The following CLEC12B variants were observed in gnomAD, a reference collection of about 807,000 sequenced individuals.
CLEC12B encodes the protein macrophage antigen h.
In CLEC12B, 25 loss-of-function variants were observed where a neutral mutation model predicts 36.1. The observed-to-expected ratio is 0.69, with a 90% CI of 0.50 to 0.97. CLEC12B has a LOEUF of 0.97. CLEC12B is among the 50% of genes least tolerant of loss of function. The pLI, the probability that CLEC12B is intolerant of heterozygous loss-of-function variation, is 0.00. For missense variants in CLEC12B, 325 were observed against 318.4 expected (o/e 1.02, Z -0.16); for synonymous variants, 110 against 108.5 (o/e 1.01, Z -0.09).
chr12:10,012,735 A>G (rs1865359983), intron 1 of CLEC12B, 50 bp from the exon 2 acceptor site: 1 of 1,437,908 alleles, frequency 7.0e-7, no homozygotes, highest in Admixed American at 1.8e-5. Context: ...CCAAAGTGAA[A>G]CAAGCACAAA....
At chr12:10,006,862 T>C (rs554515979), upstream of CLEC12B, among the ~76,000 whole-genome samples, 4 of 152,184 alleles carry the variant, frequency 2.6e-5, no homozygotes, top group South Asian at 8.3e-4. Flanking sequence ...GAGACCATCC[T>C]GGCTAACACG....
At chr12:10,012,618 G>A (rs928752638) in intron 1 of CLEC12B, among the ~76,000 whole-genome samples, 167 bp from the exon 2 acceptor site, 4 of 152,136 alleles carry the variant, frequency 2.6e-5, no homozygotes, top group African/African-American at 9.7e-5. Flanking sequence ...AACAAGGATG[G>A]CACCCTCATT....
At chr12:10,012,752 C>G (rs1232244964) in intron 1 of CLEC12B, 33 bp from the exon 2 acceptor site, 2 of 1,538,256 alleles carry the variant, frequency 1.3e-6, no homozygotes, top group Non-Finnish European at 1.8e-6. Context: ...CAAAGCAGTT[C>G]TGTGTGCTGA....
chr12:10,008,795 A>T (rs183462190), upstream of CLEC12B, among the ~76,000 whole-genome samples: 244 of 152,332 alleles, frequency 1.6e-3, no homozygotes, highest in African/African-American at 5.6e-3. Flanking sequence ...TTTCATGGAT[A>T]GTGAGAAGTT....
chr12:10,014,627 T>TC lies in CLEC12B; in HGVS notation c.297dup (p.Asn100GlnfsTer42). 2 of 1,613,712 alleles carry TC rather than the reference T, an allele frequency of 1.2e-6. No homozygotes were observed. The highest frequency in any genetic ancestry group is 8.5e-7 in the Non-Finnish European group (1 of 1,179,706). On this transcript the variant is annotated frameshift_variant, in exon 3 of 6. Coordinates refer to ENST00000338896, the MANE Select transcript of CLEC12B (RefSeq NM_001129998.3). LOFTEE classifies it high-confidence loss of function. ...TAACTTATCCCAGCAACTGGGCAAC[T>TC]CCAACAACTTGTCCATGGAGGAGGA...
At chr12:10,015,965 A>C (rs1376051214) in intron 5 of CLEC12B, 11 of 1,250,978 alleles carry the variant, frequency 8.8e-6, no homozygotes, top group South Asian at 7.2e-5. Context: ...ACACACACAC[A>C]CCTAATACTA....
Position 10,010,705 on chromosome 12 carries a change from G to C in CLEC12B, c.-55G>C. 2 of 1,172,552 alleles carry C rather than the reference G, an allele frequency of 1.7e-6. No homozygotes were observed. The highest frequency in any genetic ancestry group is 1.3e-6 in the Non-Finnish European group (1 of 797,272). The allele number at this position is 1,172,552 out of a possible 1,614,324, so 72.6% of individuals were successfully genotyped here. ...CTTGAAAAACACATGCTGTTCCCAG[G>C]CCTCAAGATATTGAAACATTAATTA... On this transcript the variant is annotated 5_prime_UTR_variant, in exon 1 of 6. Transcript: ENST00000338896.
At chr12:10,008,081 G>T (rs1865251893), upstream of CLEC12B, among the ~76,000 whole-genome samples, 1 of 152,216 alleles carries the variant, frequency 6.6e-6, no homozygotes, top group African/African-American at 2.4e-5. Context: ...TATTGGAAAT[G>T]AAATTGTCTG....
chr12:10,018,559 A>G lies in CLEC12B; in HGVS notation c.*78A>G. ...TGAGGAAAGAGGAAACTACGGTACC[A>G]GAGCCAAACCAGCTTTTAAAATGAC... On this transcript the variant is annotated 3_prime_UTR_variant, in exon 6 of 6. Transcript: ENST00000338896. The G allele has an allele frequency of 8.3e-7, 1 of 1,201,576 alleles. No homozygotes were observed. The highest frequency in any genetic ancestry group is 2.6e-5 in the East Asian group (1 of 38,378). 74.4% of individuals were successfully genotyped at this position (1,201,576 alleles called of 1,614,324 possible). A position where few individuals can be genotyped will look rare whatever the true frequency, so the allele number is the denominator to read the frequency against.
chr12:10,009,270 C>T (rs371806789), upstream of CLEC12B, among the ~76,000 whole-genome samples: 1 of 151,628 alleles, frequency 6.6e-6, no homozygotes, highest in Non-Finnish European at 1.5e-5. Flanking sequence ...TAACCCTCAC[C>T]GCAAAGGTCC....
At chr12:10,016,300 A>G (rs1417678870) in intron 5 of CLEC12B, 2 of 152,386 alleles carry the variant, frequency 1.3e-5, no homozygotes, top group Non-Finnish European at 2.9e-5. Context: ...TGCCAATTAC[A>G]ATATACGGCA....
intron 1 of CLEC12B, among the ~76,000 whole-genome samples, chr12:10,011,537 C>CA (rs1865327407): frequency 6.6e-6 from 1 of 152,156 alleles, no homozygotes; most frequent in African/African-American, 2.4e-5. Flanking sequence ...CAAGCTCACA[C>CA]AACTGCTATG....
chr12:10,015,454 A>G (rs1180502959), intron 4 of CLEC12B, 48 bp downstream of exon 4: 1 of 1,576,416 alleles, frequency 6.3e-7, no homozygotes, highest in East Asian at 2.2e-5. Context: ...CCATACAATG[A>G]GAGAGAAATA....
At chr12:10,017,857 C>T (rs1483598219) in intron 5 of CLEC12B, 11 of 971,560 alleles carry the variant, frequency 1.1e-5, no homozygotes, top group African/African-American at 1.8e-5. Context: ...CCTCTTTTAA[C>T]GTCTGTCTTG....
At chr12:10,017,678 A>G in intron 5 of CLEC12B, 1 of 964,876 alleles carries the variant, frequency 1.0e-6, no homozygotes, top group Non-Finnish European at 1.2e-6. Flanking sequence ...CAAGCAAAGA[A>G]TATGGCAGTG....
chr12:10,013,742 G>A (rs1042894416), intron 2 of CLEC12B, among the ~76,000 whole-genome samples: 4 of 152,022 alleles, frequency 2.6e-5, no homozygotes, highest in African/African-American at 9.7e-5. Flanking sequence ...GGTTAATTAG[G>A]ATTTGGACAT....
At chr12:10,018,223 C>A (rs1865534981) in intron 5 of CLEC12B, 108 bp from the exon 6 acceptor site, 2 of 728,910 alleles carry the variant, frequency 2.7e-6, no homozygotes, top group South Asian at 2.9e-5. Flanking sequence ...AGGCAGAAGT[C>A]TCTCCATATT....
At chr12:10,008,188 G>A (rs1292435895), upstream of CLEC12B, among the ~76,000 whole-genome samples, 2 of 152,208 alleles carry the variant, frequency 1.3e-5, no homozygotes, top group Non-Finnish European at 2.9e-5. Flanking sequence ...ACCTGTGGCT[G>A]TTAAGTACCT....
At position 10,018,366 on chromosome 12, in the gene CLEC12B, C is replaced by A; in HGVS notation, c.716C>A (p.Ser239Tyr). 6.5e-7 allele frequency: 1 copy of A among 1,526,922 alleles called. No homozygotes were observed. Among genetic ancestry groups the A allele is most frequent in the South Asian group, 1.2e-5 (1 of 82,946 alleles). The allele number at this position is 1,526,922 out of a possible 1,614,324, so 94.6% of individuals were successfully genotyped here. A position where few individuals can be genotyped will look rare whatever the true frequency, so the allele number is the denominator to read the frequency against. The stretch of plus-strand genomic sequence containing the variant: ...AAAGAACTTGACCAGATCAATGGAT[C>A]CAAAGGATGTGCTTATTTTCAAAAA... The part of the protein sequence containing the change: ...STKELDQING[S>Y]KGCAYFQKGN... Residue 239 changes from serine to tyrosine, a missense_variant, in exon 6 of 6, where the codon TCC becomes TAC. Coordinates refer to ENST00000338896, the MANE Select transcript of CLEC12B (RefSeq NM_001129998.3).
Sources: allele counts gnomAD v4.1 joint callset (sites outside exome capture counted in the v4.1 genomes callset), GRCh38; gene constraint gnomAD v4.1.1; transcripts MANE v1.5; gene names NCBI Gene and HGNC (gene_info 2026-07-23, HGNC 2026-07-21).